Variants in AHSA1 observed in about 807,000 individuals in gnomAD.
The protein encoded by AHSA1 is activator of HSP90 ATPase activity 1, also known as activator of 90 kDa heat shock protein ATPase homolog 1.
AHSA1 carries 14 observed loss-of-function variants against 46.1 expected under a neutral mutation model. The observed-to-expected ratio is 0.30, with a 90% confidence interval of 0.20 to 0.47. The LOEUF is 0.47. AHSA1 is among the 20% of genes least tolerant of loss of function. The pLI, the probability that AHSA1 is intolerant of heterozygous loss-of-function variation, is 0.99. For synonymous variants in AHSA1, 147 were observed against 145.8 expected (o/e 1.01, Z -0.06); for missense variants, 333 against 415.9 (o/e 0.80, Z 1.73).
intron 4 of AHSA1, chr14:77,463,015 C>T: frequency 8.2e-6 from 3 of 367,498 alleles, no homozygotes; most frequent in South Asian, 2.6e-5. Flanking sequence ...CGCGGTGGCT[C>T]ACACTTGTAA....
intron 3 of AHSA1, 182 bp from the exon 4 acceptor site, chr14:77,462,460 C>G: frequency 1.4e-6 from 1 of 736,068 alleles, no homozygotes; most frequent in East Asian, 2.6e-5. Flanking sequence ...TGGGTTCTAA[C>G]TAACATTAGC....
chr14:77,465,870 A>G (rs746864768), intron 6 of AHSA1, among the ~76,000 whole-genome samples: 3 of 150,726 alleles, frequency 2.0e-5, no homozygotes, highest in Non-Finnish European at 2.9e-5. Flanking sequence ...TCACCTGCCC[A>G]GGCTGGAGTG....
chr14:77,459,220 GT>G (rs2079008104), intron 1 of AHSA1, among the ~76,000 whole-genome samples: 1 of 152,172 alleles, frequency 6.6e-6, no homozygotes, highest in East Asian at 1.9e-4. Flanking sequence ...AGGGTTATTG[GT>G]TTAATCCTTT....
chr14:77,468,638 C>A, intron 8 of AHSA1, 130 bp downstream of exon 8: 1 of 827,626 alleles, frequency 1.2e-6, no homozygotes, highest in Non-Finnish European at 1.9e-6. Context: ...TCACAGCAAA[C>A]TGCAGCCTTA....
chr14:77,458,087 G>T (rs2078993621), upstream of AHSA1: 2 of 1,047,814 alleles, frequency 1.9e-6, no homozygotes, highest in Non-Finnish European at 2.6e-6. Flanking sequence ...GCTTGCGGCC[G>T]CTTCTAGTAG....
At chr14:77,458,991 A>G (rs528217080) in intron 1 of AHSA1, among the ~76,000 whole-genome samples, 7 of 152,148 alleles carry the variant, frequency 4.6e-5, no homozygotes, top group Non-Finnish European at 7.3e-5. Flanking sequence ...TGTTTTCTCT[A>G]ATAGTTGATA....
Position 77,469,089 on chromosome 14 carries a change from C to A in AHSA1, c.857C>A (p.Thr286Asn). ...CTGCCTTTCCCAGGACACTTTGCCA[C>A]CATCACCTTGACCTTCATCGACAAG... ...FKSWPEGHFA[T>N]ITLTFIDKNG... The change falls in exon 9 of 9, where the codon ACC becomes AAC. Residue 286 changes from threonine to asparagine, a missense_variant. Physicochemically the swap from Thr to Asn is moderately conservative, Grantham distance 65. Coordinates refer to ENST00000216479, the MANE Select transcript of AHSA1 (RefSeq NM_012111.3). 1 of 1,614,136 alleles carries A rather than the reference C, an allele frequency of 6.2e-7. No individual in the cohort carries two copies. Among genetic ancestry groups the A allele is most frequent in the Non-Finnish European group, 8.5e-7 (1 of 1,180,006 alleles).
At chr14:77,458,038 A>G, upstream of AHSA1, 1 of 588,612 alleles carries the variant, frequency 1.7e-6, no homozygotes, top group Non-Finnish European at 2.8e-6. Context: ...CCGGAAGTTA[A>G]GGAGGGGAGG....
At chr14:77,466,673 G>A (rs1223481043) in intron 6 of AHSA1, among the ~76,000 whole-genome samples, 2 of 152,232 alleles carry the variant, frequency 1.3e-5, no homozygotes, top group Admixed American at 1.3e-4. Context: ...GCAATTAAAT[G>A]GACTGGGTTT....
chr14:77,465,882 A>G (rs1483660759), intron 6 of AHSA1, among the ~76,000 whole-genome samples: 1 of 151,320 alleles, frequency 6.6e-6, no homozygotes. Context: ...GCTGGAGTGC[A>G]GTGGCACAAT....
intron 6 of AHSA1, among the ~76,000 whole-genome samples, chr14:77,467,593 C>G (rs914473058): frequency 2.0e-5 from 3 of 152,118 alleles, no homozygotes; most frequent in Non-Finnish European, 1.5e-5. Context: ...ACTACAGAGG[C>G]TGAAGCAGAG....
chr14:77,469,381 C>T lies in AHSA1; in HGVS notation c.*132C>T. 9.1e-7 allele frequency: 1 copy of T among 1,100,188 alleles called. No individual in the cohort carries two copies. The highest frequency in any genetic ancestry group is 1.3e-6 in the Non-Finnish European group (1 of 776,990). The allele number at this position is 1,100,188 out of a possible 1,614,324, so 68.2% of individuals were successfully genotyped here. ...CGGGGCCCCTCCCTTCCACATATACCTTGGGTTTGTGCATGTTTTCTGCTG... is the reference window on the plus strand; with the variant it reads ...CGGGGCCCCTCCCTTCCACATATACTTTGGGTTTGTGCATGTTTTCTGCTG... On this transcript the variant is annotated 3_prime_UTR_variant, in exon 9 of 9. Transcript: ENST00000216479.
chr14:77,459,889 T>A lies in AHSA1; in HGVS notation c.271+83T>A, dbSNP rs546774985. ...AGCTGGAGAGAACAGTTTTGAGGAG[T>A]TACAGACCTTGAAGGGAGAAGGCAG... On this transcript the variant is annotated intron_variant, in intron 2 of 8. Transcript: ENST00000216479. 27 of 1,486,246 alleles carry A rather than the reference T, an allele frequency of 1.8e-5. No individual in the cohort carries two copies. The East Asian group carries it at 5.7e-4, about 31-fold the overall frequency. 92.1% of individuals were successfully genotyped at this position (1,486,246 alleles called of 1,614,324 possible).
chr14:77,467,385 C>T (rs924341580), intron 6 of AHSA1, among the ~76,000 whole-genome samples: 7 of 149,240 alleles, frequency 4.7e-5, no homozygotes, highest in Admixed American at 2.0e-4. Flanking sequence ...GGCAACAGAG[C>T]GAGACCTATC....
rs201894072 is a variant in AHSA1 at position 77,468,439 on chromosome 14, G to A, written c.793-18G>A. 6 of 1,608,984 alleles carry A rather than the reference G, an allele frequency of 3.7e-6. No homozygotes were observed. The East Asian group carries it at 1.3e-4, about 36-fold the overall frequency. ...CATTGTAGTATATAATATAGACTGA[G>A]CTGTTTGATTATTTTAGGTCCCTGA... On this transcript the variant is annotated intron_variant, in intron 7 of 8. Transcript: ENST00000216479.
At chr14:77,459,089 G>A (rs976779487) in intron 1 of AHSA1, among the ~76,000 whole-genome samples, 5 of 152,046 alleles carry the variant, frequency 3.3e-5, no homozygotes, top group African/African-American at 1.2e-4. Flanking sequence ...CCTAATTTTT[G>A]TTGTTTGTTT....
At chr14:77,466,854 G>T (rs1349075846) in intron 6 of AHSA1, among the ~76,000 whole-genome samples, 1 of 152,150 alleles carries the variant, frequency 6.6e-6, no homozygotes, top group Non-Finnish European at 1.5e-5. Flanking sequence ...GCATAGCTGT[G>T]GTCTTCATGT....
rs746581370 is a variant in AHSA1, at chr14:77,465,622, C to T, written c.645C>T (p.Phe215=). 3.1e-6 allele frequency: 5 copies of T among 1,613,930 alleles called. No homozygotes were observed. Among genetic ancestry groups the T allele is most frequent in the Admixed American group, 1.7e-5 (1 of 60,014 alleles). ...PTCKITLKET[F]LTSPEELYRV... is the part of the protein sequence containing the mutation. ...GTAAGATCACTCTTAAGGAAACCTT[C>T]CTGACGTCACCAGAGGAGCTCTATA... Residue 215 remains phenylalanine, a synonymous_variant, in exon 6 of 9, where the codon TTC becomes TTT. Coordinates refer to ENST00000216479, the MANE Select transcript of AHSA1 (RefSeq NM_012111.3).
At chr14:77,462,356 C>T (rs549086540) in intron 3 of AHSA1, 114 bp downstream of exon 3, 1 of 1,034,724 alleles carries the variant, frequency 9.7e-7, no homozygotes, top group African/African-American at 1.6e-5. Flanking sequence ...CATTCAGAAC[C>T]CTAGCCTGCA....
Sources: gnomAD v4.1 joint callset for allele counts (sites outside exome capture counted in the v4.1 genomes callset) on GRCh38, gnomAD v4.1.1 for gene constraint, MANE v1.5 for transcripts, NCBI Gene and HGNC (gene_info 2026-07-23, HGNC 2026-07-21) for gene names.